Variants in P2RX2 observed in about 807,000 individuals in gnomAD.
The protein encoded by P2RX2 is P2X purinoceptor 2.
In P2RX2, 50 loss-of-function variants were observed where a neutral mutation model predicts 54.8. The ratio of observed to expected loss-of-function variants is 0.91; its 90% CI spans 0.73 to 1.15. The LOEUF is 1.15. Among genes scored for constraint, P2RX2 ranks in the 50% most tolerant of loss-of-function variants. The pLI is 0.00. For missense variants in P2RX2, 658 were observed against 633.2 expected, an observed-to-expected ratio of 1.04 and a Z score of -0.42; for synonymous variants, 289 against 259.4, an observed-to-expected ratio of 1.11 and a Z score of -1.09.
Position 132,622,017 on chromosome 12 carries a change from CAG to C in P2RX2, c.*50_*51del, listed in dbSNP as rs776495973. ...GACTGCAGACCCGGCCTGGTGGGGCCAGAGAGTCCCCAGCTAGGGACCTGCAC... is the reference window on the plus strand; with the variant it reads ...GACTGCAGACCCGGCCTGGTGGGGCCAGAGTCCCCAGCTAGGGACCTGCAC... On this transcript the variant is annotated 3_prime_UTR_variant, in exon 11 of 11. Coordinates refer to ENST00000643471, the MANE Select transcript of P2RX2 (RefSeq NM_170682.4). The C allele has an allele frequency of 1.9e-4, 313 of 1,610,642 alleles. 2 individuals carry two copies. Among genetic ancestry groups the C allele is most frequent in the East Asian group, 8.0e-4 (36 of 44,874 alleles).
chr12:132,620,597 A>G lies in P2RX2; in HGVS notation c.774+14A>G. The G allele has an allele frequency of 1.4e-6, 2 of 1,427,876 alleles. No homozygotes were observed. Among genetic ancestry groups the G allele is most frequent in the Non-Finnish European group, 1.9e-6 (2 of 1,036,528 alleles). The allele number at this position is 1,427,876 out of a possible 1,614,324, so 88.5% of individuals were successfully genotyped here. A position where few individuals can be genotyped will look rare whatever the true frequency, so the allele number is the denominator to read the frequency against. ...CTCGCACACAAGGCAGGGCAAGCGC[A>G]GGCAGGGTGGGGCCAGGGTGGGCTC... On this transcript the variant is annotated intron_variant, in intron 7 of 10. Coordinates refer to ENST00000643471, the MANE Select transcript of P2RX2 (RefSeq NM_170682.4).
chr12:132,620,571 G>C lies in P2RX2; in HGVS notation c.762G>C (p.Glu254Asp), dbSNP rs144300117. The C allele has an allele frequency of 3.1e-6, 5 of 1,613,200 alleles. No individual in the cohort carries two copies. The Admixed American group carries it at 8.3e-5, about 27-fold the overall frequency. ...AGAAGGCTGGGGAGAGCTTCACAGAGCTCGCACACAAGGCAGGGCAAGCGC... is the reference window on the plus strand; with the variant it reads ...AGAAGGCTGGGGAGAGCTTCACAGACCTCGCACACAAGGCAGGGCAAGCGC... ...IVEKAGESFTELAHKGGVIGV... is the reference protein window; with the variant it reads ...IVEKAGESFTDLAHKGGVIGV... The change falls in exon 7 of 11, where the codon GAG becomes GAC. Residue 254 changes from glutamate (E) to aspartate (D), a missense_variant. By Grantham distance (45) the Glu-to-Asp change is conservative. Coordinates refer to ENST00000643471, the MANE Select transcript of P2RX2 (RefSeq NM_170682.4).
chr12:132,619,389 C>G, intron 1 of P2RX2, 50 bp from the exon 2 acceptor site: 1 of 1,606,052 alleles, frequency 6.2e-7, no homozygotes. Context: ...GCGGGCGGGA[C>G]TCAGCCTTCC....
In P2RX2 at chr12:132,621,713, A is replaced by C; in HGVS notation, c.1157A>C (p.His386Pro). The stretch of plus-strand genomic sequence containing the variant: ...TTTGACAAGGTGTGTACGCCGAGCC[A>C]CCCCTCAGGTAGCTGGCCTGTGACC... ...KKFDKVCTPS[H>P]PSGSWPVTLA... is the part of the protein sequence containing the mutation. Residue 386 changes from histidine to proline, a missense_variant, in exon 11 of 11, where the codon CAC becomes CCC. By Grantham distance (77) the His-to-Pro change is moderately conservative. Coordinates refer to ENST00000643471, the MANE Select transcript of P2RX2 (RefSeq NM_170682.4). The C allele has an allele frequency of 6.2e-7, 1 of 1,613,000 alleles. No individual in the cohort carries two copies. Among genetic ancestry groups the C allele is most frequent in the Non-Finnish European group, 8.5e-7 (1 of 1,179,444 alleles).
Position 132,619,581 on chromosome 12 carries a change from G to C in P2RX2, c.309+7G>C, listed in dbSNP as rs1227975564. 1 of 1,606,474 alleles carries C rather than the reference G, an allele frequency of 6.2e-7. No homozygotes were observed. Among genetic ancestry groups the C allele is most frequent in the Non-Finnish European group, 8.5e-7 (1 of 1,175,488 alleles). On this transcript the variant is annotated splice_region_variant and intron_variant, in intron 2 of 10. Coordinates refer to ENST00000643471, the MANE Select transcript of P2RX2 (RefSeq NM_170682.4). ...GTACGTGAAGCCCCCCGAGGTGCGG[G>C]CCGCCCCCTGCCCCCCGCCCCGCCG...
In P2RX2 at chr12:132,620,228, G is replaced by C. The variant is rs745644710; in HGVS notation, c.555-39G>C. 5.1e-6 allele frequency: 8 copies of C among 1,581,940 alleles called. No homozygotes were observed. In the South Asian group the frequency reaches 7.7e-5, roughly 15 times the overall value. ...GGCCAATGCCAGGCGGGGGCTTTGC[G>C]GGAAGAGGGGACTAAACAACCCTTC... On this transcript the variant is annotated intron_variant, in intron 5 of 10. Coordinates refer to ENST00000643471, the MANE Select transcript of P2RX2 (RefSeq NM_170682.4).
chr12:132,621,284 C>G lies in P2RX2; in HGVS notation c.935C>G (p.Thr312Ser). The change falls in exon 9 of 11, where the codon ACC becomes AGC. Residue 312 changes from threonine (T) to serine (S), a missense_variant. By Grantham distance (58) the Thr-to-Ser change is moderately conservative (BLOSUM62 1). Coordinates refer to ENST00000643471, the MANE Select transcript of P2RX2 (RefSeq NM_170682.4). The stretch of plus-strand genomic sequence containing the variant: ...GCCAAATACTACAAGATCAATGGCA[C>G]CACCACCCGCACGCTCATCAAGGCC... ...RFAKYYKING[T>S]TTRTLIKAYG... The G allele has an allele frequency of 1.9e-6, 3 of 1,614,044 alleles. No individual in the cohort carries two copies. Among genetic ancestry groups the G allele is most frequent in the Non-Finnish European group, 2.5e-6 (3 of 1,179,950 alleles).
At chr12:132,619,779 C>T (rs2138361912) in intron 3 of P2RX2, 29 bp downstream of exon 3, 1 of 1,610,150 alleles carries the variant, frequency 6.2e-7, no homozygotes, top group African/African-American at 1.3e-5. Flanking sequence ...GCTGGGGGAC[C>T]CCGCCTCAGC....
rs1453615430 is a variant in P2RX2, at chr12:132,622,017, C to G, written c.*45C>G. 51 of 1,610,526 alleles carry G rather than the reference C, an allele frequency of 3.2e-5. No individual in the cohort carries two copies. The highest frequency in any genetic ancestry group is 5.3e-5 in the African/African-American group (4 of 74,904). On this transcript the variant is annotated 3_prime_UTR_variant, in exon 11 of 11. Transcript: ENST00000643471. ...GACTGCAGACCCGGCCTGGTGGGGC[C>G]AGAGAGTCCCCAGCTAGGGACCTGC...
chr12:132,618,835 A>G lies in P2RX2; in HGVS notation c.19A>G (p.Lys7Glu), dbSNP rs2041484784. The change falls in exon 1 of 11, where the codon AAG becomes GAG. Residue 7 changes from lysine (K) to glutamate (E), a missense_variant. Lys to Glu is a moderately conservative substitution (Grantham distance 56). Transcript: ENST00000643471. ...CCGCGCCATGGCCGCCGCCCAGCCC[A>G]AGTACCCCGCCGGGGCGACCGCCCG... MAAAQPKYPAGATARRL... is the reference protein window; with the variant it reads MAAAQPEYPAGATARRL... 1 of 1,327,950 alleles carries G rather than the reference A, an allele frequency of 7.5e-7. No homozygotes were observed. Among genetic ancestry groups the G allele is most frequent in the Non-Finnish European group, 9.7e-7 (1 of 1,033,832 alleles). 82.3% of individuals were successfully genotyped at this position (1,327,950 alleles called of 1,614,324 possible). A position where few individuals can be genotyped will look rare whatever the true frequency, so the allele number is the denominator to read the frequency against.
intron 9 of P2RX2, 30 bp from the exon 10 acceptor site, chr12:132,621,440 TCAGAC>T (rs781670792): frequency 9.5e-6 from 15 of 1,578,230 alleles, no homozygotes; most frequent in Non-Finnish European, 8.6e-7. Flanking sequence ...TCAGACGCCG[TCAGAC>T]ATTCTGACCA....
chr12:132,621,948 C>T lies in P2RX2; in HGVS notation c.1392C>T (p.Asp464=). Residue 464 remains aspartate (D), a synonymous_variant, in exon 11 of 11, where the codon GAC becomes GAT. Transcript: ENST00000643471. Reference sequence around the variant, plus strand: ...CTGCCCAAGCCTCCACACCCACAGACCCCAAAGGTTTGGCTCAACTCTGAG... The same window carrying T: ...CTGCCCAAGCCTCCACACCCACAGATCCCAAAGGTTTGGCTCAACTCTGAG... The part of the protein sequence containing the change: ...SEPAQASTPT[D]PKGLAQL 1.2e-6 allele frequency: 2 copies of T among 1,613,844 alleles called. No homozygotes were observed. The highest frequency in any genetic ancestry group is 1.7e-6 in the Non-Finnish European group (2 of 1,180,024).
In P2RX2 at chr12:132,621,172, G is replaced by A. The variant is rs367733581; in HGVS notation, c.905+41G>A. ...CACCGCTGTCCACACTGGCATAGCTGTGGTGGGGTCCCGAGAGGCCCAATG... is the reference window on the plus strand; with the variant it reads ...CACCGCTGTCCACACTGGCATAGCTATGGTGGGGTCCCGAGAGGCCCAATG... On this transcript the variant is annotated intron_variant, in intron 8 of 10. Coordinates refer to ENST00000643471, the MANE Select transcript of P2RX2 (RefSeq NM_170682.4). 3 of 1,613,900 alleles carry A rather than the reference G, an allele frequency of 1.9e-6. No homozygotes were observed. In the East Asian group the frequency reaches 6.7e-5, roughly 36 times the overall value.
chr12:132,618,813 C>T lies in P2RX2; in HGVS notation c.-4C>T, dbSNP rs1389327143. ...CCTTCCTGGAGGTGGGGGCCGCCCGCGCCATGGCCGCCGCCCAGCCCAAGT... is the reference window on the plus strand; with the variant it reads ...CCTTCCTGGAGGTGGGGGCCGCCCGTGCCATGGCCGCCGCCCAGCCCAAGT... On this transcript the variant is annotated 5_prime_UTR_variant, in exon 1 of 11. Coordinates refer to ENST00000643471, the MANE Select transcript of P2RX2 (RefSeq NM_170682.4). 1.6e-6 allele frequency: 2 copies of T among 1,249,958 alleles called. No homozygotes were observed. Among genetic ancestry groups the T allele is most frequent in the Non-Finnish European group, 2.0e-6 (2 of 991,660 alleles). The allele number at this position is 1,249,958 out of a possible 1,614,324, so 77.4% of individuals were successfully genotyped here.
Position 132,619,484 on chromosome 12 carries a change from C to T in P2RX2, c.219C>T (p.Gly73=). ...VQKSYQESET[G]PESSIITKVK... is the part of the protein sequence containing the mutation. ...AAAGCTACCAGGAGAGCGAGACGGGCCCCGAGAGCTCCATCATCACCAAGG... is the reference window on the plus strand; with the variant it reads ...AAAGCTACCAGGAGAGCGAGACGGGTCCCGAGAGCTCCATCATCACCAAGG... Residue 73 remains glycine (G), a synonymous_variant, in exon 2 of 11, where the codon GGC becomes GGT. Coordinates refer to ENST00000643471, the MANE Select transcript of P2RX2 (RefSeq NM_170682.4). 1 of 1,612,668 alleles carries T rather than the reference C, an allele frequency of 6.2e-7. No individual in the cohort carries two copies. The highest frequency in any genetic ancestry group is 8.5e-7 in the Non-Finnish European group (1 of 1,179,406).
chr12:132,620,106 C>A lies in P2RX2; in HGVS notation c.554+10C>A. On this transcript the variant is annotated intron_variant, in intron 5 of 10. Transcript: ENST00000643471. The stretch of plus-strand genomic sequence containing the variant: ...ATGGGGCCTCTGTCAGGTGCACCTG[C>A]GCCCCGGCCTGGGGCCCAGCCTCCC... 1.3e-6 allele frequency: 2 copies of A among 1,559,068 alleles called. No individual in the cohort carries two copies. Among genetic ancestry groups the A allele is most frequent in the Non-Finnish European group, 1.7e-6 (2 of 1,150,166 alleles).
Position 132,621,293 on chromosome 12 carries a change from G to C in P2RX2, c.944G>C (p.Arg315Pro). The part of the protein sequence containing the change: ...KYYKINGTTT[R>P]TLIKAYGIRI... ...TACAAGATCAATGGCACCACCACCC[G>C]CACGCTCATCAAGGCCTACGGGATC... Residue 315 changes from arginine (R) to proline (P), a missense_variant, in exon 9 of 11, where the codon CGC becomes CCC. Coordinates refer to ENST00000643471, the MANE Select transcript of P2RX2 (RefSeq NM_170682.4). 6.2e-7 allele frequency: 1 copy of C among 1,613,968 alleles called. No homozygotes were observed. Among genetic ancestry groups the C allele is most frequent in the Non-Finnish European group, 8.5e-7 (1 of 1,179,916 alleles).
Position 132,619,732 on chromosome 12 carries a change from C to A in P2RX2, c.363C>A (p.Thr121=). 1 of 1,608,382 alleles carries A rather than the reference C, an allele frequency of 6.2e-7. No homozygotes were observed. ...GGGTCGAGGCCACCCACTCCCAGAC[C>A]CAGGGAACCTGCCCCGAGGTGAGGG... ...ITRVEATHSQ[T]QGTCPESIRV... is the part of the protein sequence containing the mutation. The change falls in exon 3 of 11, where the codon ACC becomes ACA. Residue 121 remains threonine, a synonymous_variant. Transcript: ENST00000643471.
At position 132,619,730 on chromosome 12, in the gene P2RX2, A is replaced by C; in HGVS notation, c.361A>C (p.Thr121Pro). The C allele has an allele frequency of 1.2e-6, 2 of 1,607,998 alleles. No individual in the cohort carries two copies. The highest frequency in any genetic ancestry group is 1.7e-6 in the Non-Finnish European group (2 of 1,177,320). Residue 121 changes from threonine (T) to proline (P), a missense_variant, in exon 3 of 11, where the codon ACC (threonine) becomes CCC (proline). Physicochemically the swap from Thr to Pro is conservative, Grantham distance 38 (BLOSUM62 -1). Transcript: ENST00000643471. The stretch of plus-strand genomic sequence containing the variant: ...CAGGGTCGAGGCCACCCACTCCCAG[A>C]CCCAGGGAACCTGCCCCGAGGTGAG... ...ITRVEATHSQ[T>P]QGTCPESIRV...
Sources: allele counts gnomAD v4.1 joint callset, GRCh38; gene constraint gnomAD v4.1.1; transcripts MANE v1.5; gene names NCBI Gene and HGNC (gene_info 2026-07-23, HGNC 2026-07-21).